C10orf67: variants seen among roughly 807,000 people sequenced by gnomAD.
The protein encoded by C10orf67 is uncharacterized protein C10orf67, mitochondrial.
C10orf67 carries 60 observed loss-of-function variants against 35.6 expected under a neutral mutation model. The observed-to-expected ratio is 1.68, with a 90% CI of 1.37 to 2.09. The LOEUF is 2.09. C10orf67 is among the 30% of genes most tolerant of loss of function. The probability of loss-of-function intolerance (pLI) is 0.00; values close to 1 mark genes in which losing one functional copy is unlikely to be tolerated. For missense variants in C10orf67, 474 were observed against 330.2 expected (o/e 1.44, Z -3.38); for synonymous variants, 167 against 115.8 (o/e 1.44, Z -2.84).
rs1846080733 is a variant in C10orf67 at position 23,344,761 on chromosome 10, C to T, written c.14G>A (p.Arg5Gln). 2.6e-6 allele frequency: 4 copies of T among 1,563,334 alleles called. No homozygotes were observed. Among genetic ancestry groups the T allele is most frequent in the Non-Finnish European group, 3.5e-6 (4 of 1,154,084 alleles). MALV[R>Q]DRRAHYVMSI... ...CATGACATAATGAGCCCTGCGATCC[C>T]GGACCAAGGCCATCATAAGAGGAGA... Residue 5 changes from arginine to glutamine, a missense_variant, in exon 1 of 16, where the codon CGG becomes CAG. By Grantham distance (43) the Arg-to-Gln change is conservative (BLOSUM62 1). Transcript: ENST00000636213.
At chr10:23,218,616 A>G (rs1353429326) in intron 15 of C10orf67, among the ~76,000 whole-genome samples, 1 of 152,174 alleles carries the variant, frequency 6.6e-6, no homozygotes, top group Non-Finnish European at 1.5e-5. Context: ...GAAATATAAA[A>G]TTTGAATAAT....
At chr10:23,335,142 C>T (rs540814714) in intron 1 of C10orf67, among the ~76,000 whole-genome samples, 4 of 150,752 alleles carry the variant, frequency 2.7e-5, no homozygotes, top group African/African-American at 7.3e-5. Context: ...GAGCCGAGAT[C>T]GCACCACTGC....
At chr10:23,318,505 A>G in intron 4 of C10orf67, 1 of 179,422 alleles carries the variant, frequency 5.6e-6, no homozygotes, top group Non-Finnish European at 1.2e-5. Context: ...AAAGTCACGC[A>G]GCTTCACTTC....
chr10:23,305,410 G>C (rs190131399), intron 4 of C10orf67, among the ~76,000 whole-genome samples: 7 of 152,322 alleles, frequency 4.6e-5, no homozygotes, highest in Admixed American at 4.6e-4. Flanking sequence ...GGCTGAAGCA[G>C]GTGGATCACT....
chr10:23,288,377 C>A (rs1165205539), intron 7 of C10orf67, among the ~76,000 whole-genome samples: 2 of 152,078 alleles, frequency 1.3e-5, no homozygotes, highest in Admixed American at 1.3e-4. Flanking sequence ...GAACAGAAAA[C>A]CAAACACCGC....
At chr10:23,258,457 T>A (rs1268014722) in intron 10 of C10orf67, 1 of 166,386 alleles carries the variant, frequency 6.0e-6, no homozygotes, top group African/African-American at 2.4e-5. Flanking sequence ...GTTGTTCCAG[T>A]TCTGATCACT....
intron 15 of C10orf67, 56 bp downstream of exon 15, chr10:23,223,542 C>T (rs1841647558): frequency 2.8e-6 from 2 of 714,440 alleles, no homozygotes; most frequent in Admixed American, 2.0e-5. Flanking sequence ...CAAAGTTAAT[C>T]TAGACTAAGT....
chr10:23,322,341 A>G, intron 3 of C10orf67, 53 bp downstream of exon 3: 1 of 1,558,328 alleles, frequency 6.4e-7, no homozygotes, highest in Non-Finnish European at 8.8e-7. Flanking sequence ...CTGCATACAC[A>G]TCTAAGCACA....
intron 4 of C10orf67, among the ~76,000 whole-genome samples, chr10:23,313,768 G>A (rs550311246): frequency 7.2e-5 from 11 of 152,286 alleles, no homozygotes; most frequent in Non-Finnish European, 1.6e-4. Flanking sequence ...ACAGATAAAA[G>A]TGAAGACATA....
At chr10:23,220,229 G>C (rs1471590840) in intron 15 of C10orf67, among the ~76,000 whole-genome samples, 1 of 152,088 alleles carries the variant, frequency 6.6e-6, no homozygotes, top group Non-Finnish European at 1.5e-5. Context: ...ACTGTTTAGG[G>C]CATCATTGCT....
intron 12 of C10orf67, among the ~76,000 whole-genome samples, chr10:23,249,541 C>T (rs1842397887): frequency 6.6e-6 from 1 of 152,210 alleles, no homozygotes; most frequent in Non-Finnish European, 1.5e-5. Context: ...CCTGAATCCT[C>T]TGTTTTTTCT....
chr10:23,313,839 A>T (rs1844589304), intron 4 of C10orf67, among the ~76,000 whole-genome samples: 1 of 152,158 alleles, frequency 6.6e-6, no homozygotes, highest in African/African-American at 2.4e-5. Context: ...TGGAGGAAAC[A>T]CTGAAGGATT....
chr10:23,237,285 T>C (rs1412948113), intron 13 of C10orf67, among the ~76,000 whole-genome samples: 1 of 152,166 alleles, frequency 6.6e-6, no homozygotes, highest in African/African-American at 2.4e-5. Context: ...CAGTCTACCA[T>C]TGATGGGCAT....
intron 2 of C10orf67, among the ~76,000 whole-genome samples, chr10:23,324,701 T>C (rs777079435): frequency 2.8e-4 from 43 of 152,216 alleles, no homozygotes; most frequent in Non-Finnish European, 4.9e-4. Context: ...ATAAGAACCA[T>C]GGCAATAGTT....
At chr10:23,335,392 T>G (rs1255812219) in intron 1 of C10orf67, among the ~76,000 whole-genome samples, 4 of 152,172 alleles carry the variant, frequency 2.6e-5, no homozygotes, top group Admixed American at 2.6e-4. Context: ...TACTAAACCT[T>G]TCTGTGCCTT....
At chr10:23,306,549 A>AAG (rs1844290966) in intron 4 of C10orf67, among the ~76,000 whole-genome samples, 1 of 150,958 alleles carries the variant, frequency 6.6e-6, no homozygotes, top group African/African-American at 2.5e-5. Context: ...AAAAAAAAAA[A>AAG]AAGAATGGTG....
chr10:23,210,368 C>T (rs1265774950), intron 15 of C10orf67, among the ~76,000 whole-genome samples: 2 of 152,178 alleles, frequency 1.3e-5, no homozygotes. Flanking sequence ...ATTGTGAGAA[C>T]ATAACCTAAG....
chr10:23,261,431 C>T (rs1305366263), intron 10 of C10orf67, among the ~76,000 whole-genome samples: 1 of 152,136 alleles, frequency 6.6e-6, no homozygotes, highest in Non-Finnish European at 1.5e-5. Context: ...CTCACCTCAG[C>T]CTCCTGAGTA....
intron 13 of C10orf67, among the ~76,000 whole-genome samples, chr10:23,235,012 C>CAAAAAAAAAAAAAAAAAAAAAATAA (rs57049730): frequency 1.3e-5 from 1 of 76,048 alleles, no homozygotes; most frequent in Non-Finnish European, 2.6e-5. Context: ...AATTCCATCT[C>CAAAAAAAAAAAAAAAAAAAAAATAA]AAAAAAAAAA....
Sources: allele counts gnomAD v4.1 joint callset (sites outside exome capture counted in the v4.1 genomes callset), GRCh38; gene constraint gnomAD v4.1.1; transcripts MANE v1.5; gene names NCBI Gene and HGNC (gene_info 2026-07-23, HGNC 2026-07-21).